TCF25: variants seen among roughly 807,000 people sequenced by gnomAD.
TCF25 encodes ribosome quality control complex subunit TCF25.
TCF25 carries 41 observed loss-of-function variants against 83.1 expected under a neutral mutation model. The ratio of observed to expected loss-of-function variants is 0.49; its 90% CI spans 0.38 to 0.64. TCF25 has a LOEUF of 0.64. Among genes scored for constraint, TCF25 ranks in the 30% least tolerant of loss-of-function variants. TCF25 has a pLI of 0.00. For missense variants in TCF25, 979 were observed against 914.5 expected (o/e 1.07, Z -0.91); for synonymous variants, 458 against 365.0 (o/e 1.25, Z -2.90).
chr16:89,892,037 G>C, intron 5 of TCF25, among the ~76,000 whole-genome samples, 156 bp from the exon 6 acceptor site: 1 of 152,118 alleles, frequency 6.6e-6, no homozygotes, highest in East Asian at 1.9e-4. Context: ...GCTGACGCTT[G>C]TTTGCATCCT....
At position 89,900,639 on chromosome 16, in the gene TCF25, A is replaced by G. The variant is rs771111847; in HGVS notation, c.1226A>G (p.His409Arg). 3.7e-5 allele frequency: 59 copies of G among 1,590,368 alleles called. No homozygotes were observed. Among genetic ancestry groups the G allele is most frequent in the Non-Finnish European group, 4.8e-5 (56 of 1,160,276 alleles). Residue 409 changes from histidine (H) to arginine (R), a missense_variant, in exon 12 of 18, where the codon CAT (histidine) becomes CGT (arginine). Coordinates refer to ENST00000263346, the MANE Select transcript of TCF25 (RefSeq NM_014972.3). ...LIRLFQEWEA[H>R]RNLSQLPNFA... ...CTGTTTCTTCGTCCCTCGTAGGCTC[A>G]TCGGAACCTGTCCCAGCTCCCTAAT...
intron 14 of TCF25, 59 bp from the exon 15 acceptor site, chr16:89,906,135 C>A: frequency 2.0e-6 from 3 of 1,470,706 alleles, no homozygotes; most frequent in South Asian, 1.2e-5. Context: ...GGCTCCATGG[C>A]GGTTACCATT....
chr16:89,906,346 C>A (rs748753778), intron 15 of TCF25, 62 bp downstream of exon 15: 2 of 1,543,732 alleles, frequency 1.3e-6, no homozygotes, highest in East Asian at 2.3e-5. Context: ...GTCCCTTCTG[C>A]TCCGGGCGGT....
At chr16:89,876,914 G>A (rs1255085208) in intron 1 of TCF25, among the ~76,000 whole-genome samples, 1 of 134,852 alleles carries the variant, frequency 7.4e-6, no homozygotes, top group African/African-American at 2.9e-5. Flanking sequence ...GGGCAACAGA[G>A]CGAGACTCCA....
intron 5 of TCF25, among the ~76,000 whole-genome samples, chr16:89,891,710 G>A (rs11645970): frequency 0.075 from 11,367 of 152,232 alleles, 629 homozygotes; most frequent in East Asian, 0.26. Flanking sequence ...ATGGGCATGT[G>A]GATATTAGTA....
At chr16:89,888,871 G>A (rs2043212376) in intron 5 of TCF25, among the ~76,000 whole-genome samples, 1 of 131,334 alleles carries the variant, frequency 7.6e-6, no homozygotes, top group African/African-American at 2.9e-5. Context: ...TTTTTTAGTA[G>A]AGACGGGGCT....
chr16:89,900,348 A>T (rs2044221400), intron 11 of TCF25, among the ~76,000 whole-genome samples: 1 of 149,748 alleles, frequency 6.7e-6, no homozygotes, highest in Non-Finnish European at 1.5e-5. Flanking sequence ...TCAGCTTCAG[A>T]GAGGAGCCTG....
In TCF25 at chr16:89,910,646, C is replaced by T; in HGVS notation, c.1855C>T (p.Pro619Ser). Residue 619 changes from proline to serine, a missense_variant, in exon 17 of 18, where the codon CCA becomes TCA. Transcript: ENST00000263346. Reference protein sequence around the residue: ...TIALFFRSLLPNYTMEGERPE... With the variant: ...TIALFFRSLLSNYTMEGERPE... ...TGCTCTCTTCTTCCGGTCACTGTTG[C>T]CAAACTATACCATGGAGGTAGGTTG... The T allele has an allele frequency of 6.2e-7, 1 of 1,613,608 alleles. No individual in the cohort carries two copies. Among genetic ancestry groups the T allele is most frequent in the Non-Finnish European group, 8.5e-7 (1 of 1,179,960 alleles).
At chr16:89,898,493 G>A (rs1431147375) in intron 9 of TCF25, 64 bp from the exon 10 acceptor site, 2 of 1,548,998 alleles carry the variant, frequency 1.3e-6, no homozygotes, top group Non-Finnish European at 1.8e-6. Context: ...GCTGGCCGGG[G>A]CGCTGAGCAG....
chr16:89,904,502 C>T, intron 13 of TCF25: 3 of 510,510 alleles, frequency 5.9e-6, no homozygotes, highest in Admixed American at 3.2e-5. Flanking sequence ...CCGGCTTGTG[C>T]CTGGGAGGTC....
At position 89,908,934 on chromosome 16, in the gene TCF25, G is replaced by T. The variant is rs191267883; in HGVS notation, c.1799+1612G>T. ...TCAGACCCAGATGCTGAGAGATGGG[G>T]CTCAGGGCTAAGTGGGTCTTTCCCC... On this transcript the variant is annotated intron_variant, in intron 16 of 17. Transcript: ENST00000263346. 1.2e-5 allele frequency: 16 copies of T among 1,288,984 alleles called. No homozygotes were observed. The Admixed American group carries it at 2.8e-4, about 22-fold the overall frequency. 79.8% of individuals were successfully genotyped at this position (1,288,984 alleles called of 1,614,324 possible). A position where few individuals can be genotyped will look rare whatever the true frequency, so the allele number is the denominator to read the frequency against.
intron 1 of TCF25, among the ~76,000 whole-genome samples, chr16:89,875,264 A>T (rs1043302061): frequency 4.6e-5 from 7 of 152,210 alleles, no homozygotes; most frequent in African/African-American, 1.7e-4. Flanking sequence ...GCACCTAGCT[A>T]TGTATTCGTT....
chr16:89,874,001 C>G, intron 1 of TCF25, 142 bp downstream of exon 1: 12 of 517,044 alleles, frequency 2.3e-5, no homozygotes, highest in South Asian at 1.2e-4. Flanking sequence ...GTGGGGAGGG[C>G]GGGGCCGTGC....
At chr16:89,881,869 C>G (rs902228078) in intron 1 of TCF25, among the ~76,000 whole-genome samples, 17 of 152,200 alleles carry the variant, frequency 1.1e-4, no homozygotes, top group African/African-American at 3.9e-4. Context: ...ATTCTCCTGC[C>G]TCGGCCTCCC....
At position 89,905,052 on chromosome 16, in the gene TCF25, A is replaced by C. The variant is rs768565407; in HGVS notation, c.1584A>C (p.Gln528His). The change falls in exon 14 of 18, where the codon CAA becomes CAC. Residue 528 changes from glutamine (Q) to histidine (H), a missense_variant. Transcript: ENST00000263346. ...AGGAGAACGTCCACGAGGTTCTGCAAGCAGTGGACGCCGGGGACCCAGCCG... is the reference window on the plus strand; with the variant it reads ...AGGAGAACGTCCACGAGGTTCTGCACGCAGTGGACGCCGGGGACCCAGCCG... ...WLEENVHEVL[Q>H]AVDAGDPAVE... 3.1e-6 allele frequency: 5 copies of C among 1,603,860 alleles called. No homozygotes were observed. The highest frequency in any genetic ancestry group is 4.3e-6 in the Non-Finnish European group (5 of 1,175,968).
rs752100596 is a variant in TCF25, at chr16:89,883,475, C to G, written c.317C>G (p.Thr106Arg). 1 of 1,612,916 alleles carries G rather than the reference C, an allele frequency of 6.2e-7. No individual in the cohort carries two copies. ...RGQRGNTESK[T>R]DGDDTETVPS... ...CAGCGTGGAAACACAGAGAGCAAGA[C>G]GGATGGAGATGACACCGAGACAGTG... Residue 106 changes from threonine (T) to arginine (R), a missense_variant, in exon 2 of 18, where the codon ACG (threonine) becomes AGG (arginine). Thr to Arg is a moderately conservative substitution (Grantham distance 71, BLOSUM62 -1). Coordinates refer to ENST00000263346, the MANE Select transcript of TCF25 (RefSeq NM_014972.3).
At chr16:89,875,776 C>T (rs1418344410) in intron 1 of TCF25, among the ~76,000 whole-genome samples, 4 of 149,406 alleles carry the variant, frequency 2.7e-5, no homozygotes, top group Admixed American at 1.3e-4. Flanking sequence ...CCTGCCTCGG[C>T]CTCCCAAAGT....
At chr16:89,880,167 G>A (rs1197971015) in intron 1 of TCF25, among the ~76,000 whole-genome samples, 5 of 130,876 alleles carry the variant, frequency 3.8e-5, no homozygotes, top group South Asian at 2.7e-4. Context: ...CGTGCTGTCC[G>A]TGTACACAGG....
intron 15 of TCF25, 137 bp downstream of exon 15, chr16:89,906,421 G>A: frequency 5.2e-6 from 4 of 774,942 alleles, no homozygotes; most frequent in Non-Finnish European, 8.5e-6. Flanking sequence ...CAGGGGCAGG[G>A]TCTAGTGCAG....
Sources: allele counts gnomAD v4.1 joint callset (sites outside exome capture counted in the v4.1 genomes callset), GRCh38; gene constraint gnomAD v4.1.1; transcripts MANE v1.5; gene names NCBI Gene and HGNC (gene_info 2026-07-23, HGNC 2026-07-21).